The following NEGR1 variants were observed in gnomAD, a reference collection of about 807,000 sequenced individuals.
NEGR1 encodes IgLON family member 4.
A neutral mutation model predicts 40.9 loss-of-function variants in NEGR1; 10 were observed. The observed-to-expected ratio is 0.24, with a 90% CI of 0.15 to 0.42. The LOEUF (loss-of-function observed/expected upper bound fraction) is 0.42, where lower values mean the gene tolerates loss of function less well. Ranked by LOEUF, NEGR1 falls within the 10% of genes least tolerant of loss-of-function variation. NEGR1 has a pLI of 1.00. For synonymous variants in NEGR1, 185 were observed against 166.8 expected, an observed-to-expected ratio of 1.11 and a Z score of -0.84; for missense variants, 352 against 438.9, an observed-to-expected ratio of 0.80 and a Z score of 1.77.
In NEGR1 at chr1:71,682,566, G is replaced by C. The variant is rs1295902783; in HGVS notation, c.667+15442C>G. On this transcript the variant is annotated intron_variant, in intron 4 of 6. Coordinates refer to ENST00000357731, the MANE Select transcript of NEGR1 (RefSeq NM_173808.3). Reference sequence around the variant, plus strand: ...GGTTTTTGTTTTTGTTTTGTTTTGTGAGTTTCTTGCAGATTTCACCTATTT... The same window carrying C: ...GGTTTTTGTTTTTGTTTTGTTTTGTCAGTTTCTTGCAGATTTCACCTATTT... 2.0e-5 allele frequency among the ~76,000 whole-genome samples: 3 copies of C among 152,088 alleles called. No individual in the cohort carries two copies. In the East Asian group the frequency reaches 5.8e-4, roughly 29 times the overall value.
intron 1 of NEGR1, among the ~76,000 whole-genome samples, chr1:71,943,852 G>A (rs1250519361): frequency 3.9e-5 from 6 of 152,050 alleles, no homozygotes; most frequent in Non-Finnish European, 8.8e-5. Context: ...AAAACATTCT[G>A]AGAAGTAGAT....
At chr1:71,653,353 G>A (rs1557601051) in intron 4 of NEGR1, among the ~76,000 whole-genome samples, 1 of 152,168 alleles carries the variant, frequency 6.6e-6, no homozygotes, top group Non-Finnish European at 1.5e-5. Context: ...TAATATTCAT[G>A]TGCACAAACT....
At chr1:72,084,010 T>A (rs1288296008) in intron 1 of NEGR1, among the ~76,000 whole-genome samples, 1 of 152,208 alleles carries the variant, frequency 6.6e-6, no homozygotes, top group Non-Finnish European at 1.5e-5. Flanking sequence ...AGATTCATTG[T>A]CCTCAGAATC....
rs529356654 is a variant in NEGR1, at chr1:71,441,526, A to T, written c.941-33956T>A. Among the ~76,000 whole-genome samples, 4 of 152,346 alleles carry T rather than the reference A, an allele frequency of 2.6e-5. No homozygotes were observed. The East Asian group carries it at 7.7e-4, about 29-fold the overall frequency. ...AGAATGTATCTAATGAGGCTGGATG[A>T]TGAGTGATTGGATCATTCAGTCTTA... On this transcript the variant is annotated intron_variant, in intron 6 of 6. Coordinates refer to ENST00000357731, the MANE Select transcript of NEGR1 (RefSeq NM_173808.3).
intron 3 of NEGR1, among the ~76,000 whole-genome samples, chr1:71,698,918 G>T (rs191837409): frequency 4.6e-5 from 7 of 151,878 alleles, no homozygotes; most frequent in African/African-American, 1.7e-4. Flanking sequence ...TTTAATAATG[G>T]AATTTTTGTT....
intron 4 of NEGR1, among the ~76,000 whole-genome samples, chr1:71,659,482 G>A (rs1651983347): frequency 6.6e-6 from 1 of 152,170 alleles, no homozygotes; most frequent in Non-Finnish European, 1.5e-5. Flanking sequence ...TGACAAGTGG[G>A]ATTTAATTAG....
At chr1:72,179,181 T>A (rs1417340945) in intron 1 of NEGR1, among the ~76,000 whole-genome samples, 2 of 152,084 alleles carry the variant, frequency 1.3e-5, no homozygotes, top group African/African-American at 4.8e-5. Flanking sequence ...GATTTTTGTA[T>A]ACAGTGAAAG....
intron 6 of NEGR1, among the ~76,000 whole-genome samples, chr1:71,415,675 C>G (rs1646350302): frequency 6.6e-6 from 1 of 152,074 alleles, no homozygotes; most frequent in African/African-American, 2.4e-5. Context: ...AAAGAAGTCT[C>G]AAAGCTTGAA....
intron 1 of NEGR1, among the ~76,000 whole-genome samples, chr1:72,177,123 G>A (rs909371677): frequency 2.0e-5 from 3 of 152,064 alleles, no homozygotes; most frequent in African/African-American, 4.8e-5. Context: ...CGATCTAAGT[G>A]TTGTAGTAGT....
At chr1:71,576,583 C>T (rs1648973156) in intron 6 of NEGR1, among the ~76,000 whole-genome samples, 1 of 152,166 alleles carries the variant, frequency 6.6e-6, no homozygotes, top group African/African-American at 2.4e-5. Context: ...AAGGGGTAGA[C>T]TGTAGTAAAG....
intron 1 of NEGR1, among the ~76,000 whole-genome samples, chr1:72,060,167 A>T (rs776795353): frequency 9.2e-5 from 14 of 151,718 alleles, no homozygotes; most frequent in Non-Finnish European, 2.1e-4. Context: ...CATTTCCAAA[A>T]TAACTCAAGC....
intron 1 of NEGR1, among the ~76,000 whole-genome samples, chr1:72,132,219 G>A (rs570271445): frequency 2.5e-4 from 38 of 152,248 alleles, no homozygotes; most frequent in East Asian, 1.5e-3. Context: ...TCTTGATAAC[G>A]TTACTATGAA....
intron 2 of NEGR1, among the ~76,000 whole-genome samples, chr1:71,838,317 G>C (rs1018173246): frequency 1.3e-5 from 2 of 152,080 alleles, no homozygotes; most frequent in Non-Finnish European, 2.9e-5. Flanking sequence ...ATATAACCAT[G>C]TAAGAAAGCA....
At chr1:71,782,314 T>G (rs954433323) in intron 2 of NEGR1, among the ~76,000 whole-genome samples, 3 of 152,222 alleles carry the variant, frequency 2.0e-5, no homozygotes, top group Admixed American at 6.5e-5. Context: ...CCTCCAGAAG[T>G]GTGAGAAATA....
At chr1:71,869,857 C>T (rs978443401) in intron 2 of NEGR1, among the ~76,000 whole-genome samples, 1 of 150,606 alleles carries the variant, frequency 6.6e-6, no homozygotes, top group Non-Finnish European at 1.5e-5. Context: ...GTTGCTTAAA[C>T]ATGTTTGGAT....
intron 2 of NEGR1, among the ~76,000 whole-genome samples, chr1:71,811,039 G>T (rs1243063807): frequency 6.6e-6 from 1 of 152,070 alleles, no homozygotes; most frequent in East Asian, 1.9e-4. Flanking sequence ...CATTCTGGTG[G>T]TTTTTAACAA....
chr1:72,131,552 G>C (rs1650249871), intron 1 of NEGR1, among the ~76,000 whole-genome samples: 1 of 152,088 alleles, frequency 6.6e-6, no homozygotes, highest in African/African-American at 2.4e-5. Context: ...ATGTAACTGT[G>C]GAACTAGCAC....
chr1:72,252,260 T>C (rs1460991740), intron 1 of NEGR1, among the ~76,000 whole-genome samples: 17 of 151,998 alleles, frequency 1.1e-4, no homozygotes, highest in Admixed American at 7.2e-4. Context: ...GTCAGGCTGG[T>C]CTCAAACGTC....
intron 4 of NEGR1, among the ~76,000 whole-genome samples, chr1:71,667,512 T>C (rs1652282256): frequency 6.6e-6 from 1 of 152,174 alleles, no homozygotes; most frequent in African/African-American, 2.4e-5. Context: ...GCTCCAATTC[T>C]ACACCCTGGT....
Sources: allele counts gnomAD v4.1 joint callset (sites outside exome capture counted in the v4.1 genomes callset), GRCh38; gene constraint gnomAD v4.1.1; transcripts MANE v1.5; gene names NCBI Gene and HGNC (gene_info 2026-07-23, HGNC 2026-07-21).